SLIT3: variants seen among roughly 807,000 people sequenced by gnomAD.
The protein encoded by SLIT3 is slit guidance ligand 3.
In SLIT3, 68 loss-of-function variants were observed where a neutral mutation model predicts 184.0. The ratio of observed to expected loss-of-function variants is 0.37; its 90% CI spans 0.30 to 0.45. The LOEUF is 0.45. Among genes scored for constraint, SLIT3 ranks in the 20% least tolerant of loss-of-function variants. The pLI is 1.00. For synonymous variants in SLIT3, 831 were observed against 828.6 expected (o/e 1.00, Z -0.05); for missense variants, 1,707 against 2,026.0 (o/e 0.84, Z 3.02).
intron 4 of SLIT3, chr5:169,037,686 C>T (rs1003546119): frequency 2.0e-5 from 3 of 152,246 alleles, no homozygotes; most frequent in Non-Finnish European, 4.4e-5. Flanking sequence ...CACAGGCTCT[C>T]GCTCACCGGG....
At chr5:168,980,867 G>T (rs1754922570) in intron 4 of SLIT3, among the ~76,000 whole-genome samples, 1 of 152,134 alleles carries the variant, frequency 6.6e-6, no homozygotes, top group Non-Finnish European at 1.5e-5. Flanking sequence ...TTAGTGATGT[G>T]GGAAAATGTT....
intron 4 of SLIT3, among the ~76,000 whole-genome samples, chr5:169,067,636 G>A (rs945195109): frequency 3.9e-5 from 6 of 152,262 alleles, no homozygotes; most frequent in South Asian, 2.1e-4. Context: ...GACTTATGCC[G>A]TGACTAGTGA....
At chr5:168,767,887 T>G (rs1755397672) in intron 14 of SLIT3, among the ~76,000 whole-genome samples, 1 of 152,148 alleles carries the variant, frequency 6.6e-6, no homozygotes, top group Non-Finnish European at 1.5e-5. Context: ...TTGAACCTAG[T>G]TATTACTCCT....
chr5:169,193,654 A>G, intron 3 of SLIT3, 104 bp from the exon 4 acceptor site: 2 of 862,868 alleles, frequency 2.3e-6, no homozygotes, highest in Non-Finnish European at 4.0e-6. Flanking sequence ...ATAGGCATTA[A>G]GAGACTCTCT....
intron 4 of SLIT3, among the ~76,000 whole-genome samples, chr5:168,938,827 C>CA (rs1247656750): frequency 6.6e-6 from 1 of 152,098 alleles, no homozygotes; most frequent in Non-Finnish European, 1.5e-5. Flanking sequence ...GACGGGGTTT[C>CA]ACCATGCTGA....
chr5:169,187,845 C>T (rs1763408718), intron 4 of SLIT3, among the ~76,000 whole-genome samples: 1 of 150,964 alleles, frequency 6.6e-6, no homozygotes, highest in East Asian at 1.9e-4. Context: ...TCAGCTACCG[C>T]TCCCAGCTGC....
At chr5:168,947,363 C>A (rs527634370) in intron 4 of SLIT3, among the ~76,000 whole-genome samples, 3 of 152,124 alleles carry the variant, frequency 2.0e-5, no homozygotes, top group African/African-American at 7.2e-5. Context: ...CTGGGTCCCT[C>A]GGGAGCTGCA....
intron 7 of SLIT3, among the ~76,000 whole-genome samples, chr5:168,819,956 C>T (rs1757468920): frequency 6.6e-6 from 1 of 152,174 alleles, no homozygotes; most frequent in African/African-American, 2.4e-5. Context: ...GGGTGGTGAA[C>T]AGACTCCACT....
intron 4 of SLIT3, among the ~76,000 whole-genome samples, chr5:168,962,324 A>ACACAC (rs1453136604): frequency 6.6e-6 from 1 of 151,340 alleles, no homozygotes; most frequent in Non-Finnish European, 1.5e-5. Context: ...ACACACACAC[A>ACACAC]CACACACACA....
intron 4 of SLIT3, among the ~76,000 whole-genome samples, chr5:169,071,287 T>C (rs1436286555): frequency 6.6e-6 from 1 of 152,244 alleles, no homozygotes; most frequent in Non-Finnish European, 1.5e-5. Flanking sequence ...CCAGGGACTA[T>C]GCTTGTTTTT....
intron 1 of SLIT3, among the ~76,000 whole-genome samples, chr5:169,277,699 A>G (rs1766859674): frequency 6.6e-6 from 1 of 152,200 alleles, no homozygotes; most frequent in African/African-American, 2.4e-5. Context: ...GGCTATTGAG[A>G]ATAATGCTGC....
At chr5:169,206,868 G>A (rs2113500835) in intron 3 of SLIT3, among the ~76,000 whole-genome samples, 1 of 152,082 alleles carries the variant, frequency 6.6e-6, no homozygotes, top group African/African-American at 2.4e-5. Context: ...TTTTCTCATA[G>A]CATTTCTTCC....
At chr5:168,676,706 C>T (rs1460276834) in intron 32 of SLIT3, among the ~76,000 whole-genome samples, 2 of 141,166 alleles carry the variant, frequency 1.4e-5, no homozygotes, top group African/African-American at 5.6e-5. Flanking sequence ...AATGAGCTCA[C>T]CACCCTGGAG....
chr5:168,775,506 T>G (rs951687713), intron 12 of SLIT3, among the ~76,000 whole-genome samples: 2 of 151,066 alleles, frequency 1.3e-5, no homozygotes, highest in East Asian at 3.9e-4. Context: ...AATGGGACCC[T>G]CACTCCATTA....
intron 1 of SLIT3, among the ~76,000 whole-genome samples, chr5:169,261,789 T>C (rs114788554): frequency 6.6e-6 from 1 of 152,156 alleles, no homozygotes; most frequent in Admixed American, 6.5e-5. Flanking sequence ...TTCTAACCCA[T>C]GCAACACAAA....
chr5:169,240,579 CTTTTT>C (rs67955225), intron 3 of SLIT3, among the ~76,000 whole-genome samples: 235 of 114,344 alleles, frequency 2.1e-3, no homozygotes, highest in African/African-American at 5.3e-3. Context: ...CTATCATTTT[CTTTTT>C]TTTTTTTTTT....
chr5:169,101,625 G>A (rs1273696133), intron 4 of SLIT3, among the ~76,000 whole-genome samples: 2 of 152,142 alleles, frequency 1.3e-5, no homozygotes, highest in Non-Finnish European at 2.9e-5. Context: ...GAAATATACT[G>A]AGCATTTCAT....
chr5:169,186,592 G>C (rs35749084), intron 4 of SLIT3, among the ~76,000 whole-genome samples: 30,516 of 152,164 alleles, frequency 0.2, 4,129 homozygotes, highest in Middle Eastern at 0.35. Context: ...TTCAAACCCA[G>C]GTCTGTCTGG....
rs367785711 is a variant in SLIT3, at chr5:168,885,330, C to T, written c.414-1994G>A. On this transcript the variant is annotated intron_variant, in intron 4 of 35. Coordinates refer to ENST00000519560, the MANE Select transcript of SLIT3 (RefSeq NM_003062.4). ...TAAGTAAATTCAGATGCACAATGAG[C>T]GCTGTCTCAGGCTCCCCCAGCCAGG... Among the ~76,000 whole-genome samples, 14 of 152,276 alleles carry T rather than the reference C, an allele frequency of 9.2e-5. No homozygotes were observed. The East Asian group carries it at 1.4e-3, about 15-fold the overall frequency.
Sources: allele counts gnomAD v4.1 joint callset (sites outside exome capture counted in the v4.1 genomes callset), GRCh38; gene constraint gnomAD v4.1.1; transcripts MANE v1.5; gene names NCBI Gene and HGNC (gene_info 2026-07-23, HGNC 2026-07-21).